The following C11orf24 variants were observed in gnomAD, a reference collection of about 807,000 sequenced individuals.
C11orf24 encodes chromosome 11 open reading frame 24.
C11orf24 carries 5 observed loss-of-function variants against 7.3 expected under a neutral mutation model. The ratio of observed to expected loss-of-function variants is 0.69; its 90% CI spans 0.36 to 1.45. The LOEUF is 1.45. Among genes scored for constraint, C11orf24 ranks in the 40% most tolerant of loss-of-function variants. The pLI is 0.03. For missense variants in C11orf24, 566 were observed against 590.5 expected, an observed-to-expected ratio of 0.96 and a Z score of 0.43; for synonymous variants, 233 against 235.7, an observed-to-expected ratio of 0.99 and a Z score of 0.11.
In C11orf24 at chr11:68,262,251, AG is replaced by A. The variant is rs1223333402; in HGVS notation, c.743del (p.Pro248LeufsTer44). On this transcript the variant is annotated frameshift_variant, in exon 4 of 4. Transcript: ENST00000304271. LOFTEE classifies it low-confidence loss of function (END_TRUNC). ...PSDTAASPVP[P>X]MRPQAQGPIS... ...TGGGACCTTGTGCTTGGGGACGCAT[AG>A]GGGGTACAGGGCTTGCCGCGGTGTC... The A allele has an allele frequency of 1.9e-6, 3 of 1,613,036 alleles. No individual in the cohort carries two copies. The highest frequency in any genetic ancestry group is 1.7e-6 in the Non-Finnish European group (2 of 1,179,306).
In C11orf24 at chr11:68,261,747, G is replaced by A; in HGVS notation, c.1248C>T (p.Val416=). 1.2e-6 allele frequency: 2 copies of A among 1,614,210 alleles called. No individual in the cohort carries two copies. The highest frequency in any genetic ancestry group is 4.5e-5 in the East Asian group (2 of 44,886). ...AGGCCTGCAGGGCAAACAAAACCAA[G>A]ACTGTGATGAAAAGGGTCACCCCGA... ...LLLGVTLFIT[V]LVLFALQAYE... Residue 416 remains valine, a synonymous_variant, in exon 4 of 4, where the codon GTC becomes GTT. Coordinates refer to ENST00000304271, the MANE Select transcript of C11orf24 (RefSeq NM_022338.4).
chr11:68,261,556 A>G lies in C11orf24; in HGVS notation c.*89T>C, dbSNP rs2098561599. ...TCTGGCATATCTCCTCAATTGCACC[A>G]AAAGAATTTGGAAGCACTTGGTTTG... On this transcript the variant is annotated 3_prime_UTR_variant, in exon 4 of 4. Transcript: ENST00000304271. The G allele has an allele frequency of 8.1e-7, 1 of 1,232,778 alleles. No individual in the cohort carries two copies. Among genetic ancestry groups the G allele is most frequent in the South Asian group, 1.5e-5 (1 of 67,930 alleles). 76.4% of individuals were successfully genotyped at this position (1,232,778 alleles called of 1,614,324 possible). A position where few individuals can be genotyped will look rare whatever the true frequency, so the allele number is the denominator to read the frequency against.
At chr11:68,270,758 G>GCAAGAT (rs2098567527) in intron 1 of C11orf24, among the ~76,000 whole-genome samples, 1 of 152,118 alleles carries the variant, frequency 6.6e-6, no homozygotes, top group African/African-American at 2.4e-5. Flanking sequence ...ACCAAGTTAG[G>GCAAGAT]CAAGCTACAG....
At position 68,262,551 on chromosome 11, in the gene C11orf24, C is replaced by A. The variant is rs769927540; in HGVS notation, c.444G>T (p.Thr148=). Residue 148 remains threonine, a synonymous_variant, in exon 4 of 4, where the codon ACG becomes ACT. Coordinates refer to ENST00000304271, the MANE Select transcript of C11orf24 (RefSeq NM_022338.4). The part of the protein sequence containing the change: ...SSTTVASIAP[T]TAASSMTAAS... ...CCGCAGTCATACTGGAGGCTGCAGT[C>A]GTGGGAGCAATGGAGGCCACAGTTG... 6.2e-7 allele frequency: 1 copy of A among 1,609,676 alleles called. No homozygotes were observed. Among genetic ancestry groups the A allele is most frequent in the Non-Finnish European group, 8.5e-7 (1 of 1,176,842 alleles).
rs774983920 is a variant in C11orf24 at position 68,262,397 on chromosome 11, C to T, written c.598G>A (p.Ala200Thr). ...TALAQVPKSS[A>T]LPRTATLATL... is the part of the protein sequence containing the mutation. ...GCCAGGGTTGCTGTTCTTGGCAACG[C>T]GCTGCTCTTTGGCACTTGTGCGAGG... Residue 200 changes from alanine to threonine, a missense_variant, in exon 4 of 4, where the codon GCG becomes ACG. Transcript: ENST00000304271. 31 of 1,613,968 alleles carry T rather than the reference C, an allele frequency of 1.9e-5. No individual in the cohort carries two copies. The highest frequency in any genetic ancestry group is 1.1e-4 in the East Asian group (5 of 44,894).
intron 2 of C11orf24, among the ~76,000 whole-genome samples, chr11:68,264,117 T>C (rs530352858): frequency 6.6e-6 from 1 of 152,234 alleles, no homozygotes; most frequent in East Asian, 1.9e-4. Context: ...CATTCTCCCA[T>C]CCTAGAGTTC....
chr11:68,265,552 T>C (rs1433034258), intron 2 of C11orf24, among the ~76,000 whole-genome samples: 1 of 152,210 alleles, frequency 6.6e-6, no homozygotes, highest in Non-Finnish European at 1.5e-5. Context: ...CAGGCTGGAC[T>C]GCAGTGGCAT....
intron 2 of C11orf24, among the ~76,000 whole-genome samples, chr11:68,266,567 C>G (rs1417974431): frequency 6.6e-6 from 1 of 152,118 alleles, no homozygotes; most frequent in Non-Finnish European, 1.5e-5. Flanking sequence ...TTACAAACCA[C>G]AGATCTAGAG....
rs2153104216 is a variant in C11orf24, at chr11:68,268,167, A to G, written c.-213T>C. ...TCTGGCTTTGCAGGGGGTGAAAGCC[A>G]CGTGGTGGGGCACTCCCGGGCCATG... is the stretch of plus-strand genomic sequence containing the variant. On this transcript the variant is annotated 5_prime_UTR_variant, in exon 2 of 4. Transcript: ENST00000304271. 6.6e-6 allele frequency: 1 copy of G among 152,516 alleles called. No homozygotes were observed. Among genetic ancestry groups the G allele is most frequent in the Admixed American group, 6.5e-5 (1 of 15,304 alleles). 9.4% of individuals were successfully genotyped at this position (152,516 alleles called of 1,614,324 possible). A position where few individuals can be genotyped will look rare whatever the true frequency, so the allele number is the denominator to read the frequency against.
Position 68,263,798 on chromosome 11 carries a change from G to A in C11orf24, c.-31C>T, listed in dbSNP as rs184045754. Reference sequence around the variant, plus strand: ...GGGTGAGCTGGGAGCAAGGCTGGGCGGTCCCCGAGGCTCCCAGCCAGCCAG... The same window carrying A: ...GGGTGAGCTGGGAGCAAGGCTGGGCAGTCCCCGAGGCTCCCAGCCAGCCAG... On this transcript the variant is annotated 5_prime_UTR_variant, in exon 3 of 4. Coordinates refer to ENST00000304271, the MANE Select transcript of C11orf24 (RefSeq NM_022338.4). 971 of 1,579,320 alleles carry A rather than the reference G, an allele frequency of 6.1e-4. 1 individual carries two copies. Among genetic ancestry groups the A allele is most frequent in the Non-Finnish European group, 6.7e-4 (776 of 1,160,068 alleles).
chr11:68,262,462 G>A lies in C11orf24; in HGVS notation c.533C>T (p.Pro178Leu), dbSNP rs144598742. 91 of 1,614,020 alleles carry A rather than the reference G, an allele frequency of 5.6e-5. No individual in the cohort carries two copies. The Admixed American group carries it at 9.3e-4, about 17-fold the overall frequency. Residue 178 changes from proline to leucine, a missense_variant, in exon 4 of 4, where the codon CCG (proline) becomes CTG (leucine). Pro to Leu is a moderately conservative substitution (Grantham distance 98, BLOSUM62 -3). Transcript: ENST00000304271. Reference protein sequence around the residue: ...APTSTSTGRTPSTTATGHPSL... With the variant: ...APTSTSTGRTLSTTATGHPSL... Reference sequence around the variant, plus strand: ...TGGATGCCCAGTGGCGGTAGTGGACGGGGTCCGCCCTGTGGAAGTGGACGT... The same window carrying A: ...TGGATGCCCAGTGGCGGTAGTGGACAGGGTCCGCCCTGTGGAAGTGGACGT...
In C11orf24 at chr11:68,262,026, C is replaced by G. The variant is rs144699148; in HGVS notation, c.969G>C (p.Thr323=). 6.2e-7 allele frequency: 1 copy of G among 1,613,252 alleles called. No homozygotes were observed. The highest frequency in any genetic ancestry group is 8.5e-7 in the Non-Finnish European group (1 of 1,179,754). The change falls in exon 4 of 4, where the codon ACG becomes ACC. Residue 323 remains threonine, a synonymous_variant. Coordinates refer to ENST00000304271, the MANE Select transcript of C11orf24 (RefSeq NM_022338.4). ...PIPEMEAMSP[T]TQPSPMPYTQ... ...TATATGGCATGGGGCTTGGCTGTGT[C>G]GTGGGGGACATGGCCTCCATCTCAG...
chr11:68,262,031 G>C lies in C11orf24; in HGVS notation c.964C>G (p.Pro322Ala), dbSNP rs763666040. 11 of 1,613,966 alleles carry C rather than the reference G, an allele frequency of 6.8e-6. No individual in the cohort carries two copies. In the Admixed American group the frequency reaches 1.8e-4, roughly 27 times the overall value. ...SPIPEMEAMS[P>A]TTQPSPMPYT... The stretch of plus-strand genomic sequence containing the variant: ...GGCATGGGGCTTGGCTGTGTCGTGG[G>C]GGACATGGCCTCCATCTCAGGGATT... Residue 322 changes from proline to alanine, a missense_variant, in exon 4 of 4, where the codon CCC becomes GCC. Physicochemically the swap from Pro to Ala is conservative, Grantham distance 27 (BLOSUM62 -1). Coordinates refer to ENST00000304271, the MANE Select transcript of C11orf24 (RefSeq NM_022338.4).
chr11:68,267,670 T>A (rs979112430), intron 2 of C11orf24: 1 of 153,012 alleles, frequency 6.5e-6, no homozygotes, highest in African/African-American at 2.4e-5. Context: ...CTGGGCAACA[T>A]GGCGGAACCC....
At chr11:68,270,318 G>A (rs184846620) in intron 1 of C11orf24, among the ~76,000 whole-genome samples, 1 of 152,174 alleles carries the variant, frequency 6.6e-6, no homozygotes, top group Admixed American at 6.5e-5. Context: ...CATGACAAAG[G>A]CACCCCCAAC....
intron 2 of C11orf24, among the ~76,000 whole-genome samples, chr11:68,264,981 G>T (rs1338666489): frequency 6.6e-6 from 1 of 151,858 alleles, no homozygotes; most frequent in Non-Finnish European, 1.5e-5. Context: ...GGGTGGCTGG[G>T]CCCCAGAGGA....
rs1195411430 is a variant in C11orf24, at chr11:68,262,102, G to A, written c.893C>T (p.Ala298Val). The change falls in exon 4 of 4, where the codon GCC (alanine) becomes GTC (valine). Residue 298 changes from alanine (A) to valine (V), a missense_variant. Ala to Val is a moderately conservative substitution (Grantham distance 64, BLOSUM62 0). Coordinates refer to ENST00000304271, the MANE Select transcript of C11orf24 (RefSeq NM_022338.4). Reference protein sequence around the residue: ...PTVVTTTKAQAREPTASPVPV... With the variant: ...PTVVTTTKAQVREPTASPVPV... ...CACTGGGCTGGCAGTTGGCTCCCTGGCTTGTGCCTTGGTGGTGGTCACCAC... is the reference window on the plus strand; with the variant it reads ...CACTGGGCTGGCAGTTGGCTCCCTGACTTGTGCCTTGGTGGTGGTCACCAC... 6.2e-7 allele frequency: 1 copy of A among 1,613,816 alleles called. No homozygotes were observed. The highest frequency in any genetic ancestry group is 1.3e-5 in the African/African-American group (1 of 74,874).
chr11:68,262,147 T>C lies in C11orf24; in HGVS notation c.848A>G (p.Glu283Gly). 4.3e-6 allele frequency: 7 copies of C among 1,613,822 alleles called. No homozygotes were observed. The highest frequency in any genetic ancestry group is 5.9e-6 in the Non-Finnish European group (7 of 1,179,934). Reference sequence around the variant, plus strand: ...CACCACTGTGGGGGTGGGGGCGGGCTCTGGGGTTGTGTTTGAGGGCATGGG... The same window carrying C: ...CACCACTGTGGGGGTGGGGGCGGGCCCTGGGGTTGTGTTTGAGGGCATGGG... ...STPMPSNTTP[E>G]PAPTPTVVTT... Residue 283 changes from glutamate to glycine, a missense_variant, in exon 4 of 4, where the codon GAG becomes GGG. Transcript: ENST00000304271.
At chr11:68,269,124 T>A (rs1591135652) in intron 1 of C11orf24, among the ~76,000 whole-genome samples, 1 of 144,294 alleles carries the variant, frequency 6.9e-6, no homozygotes, top group Non-Finnish European at 1.5e-5. Flanking sequence ...TTTTTTTTTT[T>A]AACAAGCATG....
Sources: allele counts gnomAD v4.1 joint callset (sites outside exome capture counted in the v4.1 genomes callset), GRCh38; gene constraint gnomAD v4.1.1; transcripts MANE v1.5; gene names NCBI Gene and HGNC (gene_info 2026-07-23, HGNC 2026-07-21).